The following CEP135 variants were observed in gnomAD, a reference collection of about 807,000 sequenced individuals.
CEP135 encodes the protein centrosomal protein 135.
A neutral mutation model predicts 157.3 loss-of-function variants in CEP135; 142 were observed. The observed-to-expected ratio is 0.90, with a 90% CI of 0.79 to 1.04. CEP135 has a LOEUF of 1.04. Ranked by LOEUF, CEP135 falls within the 50% of genes least tolerant of loss-of-function variation. The pLI, the probability that CEP135 is intolerant of heterozygous loss-of-function variation, is 0.00. For missense variants in CEP135, 1,317 were observed against 1,309.2 expected, an observed-to-expected ratio of 1.01 and a Z score of -0.09; for synonymous variants, 396 against 439.8, an observed-to-expected ratio of 0.90 and a Z score of 1.25.
intron 17 of CEP135, 69 bp downstream of exon 17, chr4:55,999,714 A>T (rs904759933): frequency 6.4e-5 from 94 of 1,478,162 alleles, no homozygotes; most frequent in Non-Finnish European, 8.0e-5. Flanking sequence ...TGTTTTTGAG[A>T]TGGGGTCTCA....
chr4:56,015,438 G>A (rs1346264044), intron 21 of CEP135, among the ~76,000 whole-genome samples: 1 of 152,248 alleles, frequency 6.6e-6, no homozygotes, highest in Non-Finnish European at 1.5e-5. Context: ...CCAGATGATG[G>A]AGCTACTGTC....
chr4:55,979,469 T>C (rs1452081907), intron 11 of CEP135, among the ~76,000 whole-genome samples: 1 of 152,174 alleles, frequency 6.6e-6, no homozygotes, highest in Non-Finnish European at 1.5e-5. Context: ...TTGCATTTAT[T>C]TGACTGTATA....
intron 15 of CEP135, among the ~76,000 whole-genome samples, chr4:55,996,506 T>C (rs897545017): frequency 6.6e-6 from 1 of 152,172 alleles, no homozygotes; most frequent in African/African-American, 2.4e-5. Context: ...TTTGTGGATC[T>C]AGAATTGAAA....
intron 1 of CEP135, among the ~76,000 whole-genome samples, chr4:55,950,358 C>G (rs1329162197): frequency 1.3e-5 from 2 of 152,132 alleles, no homozygotes; most frequent in Non-Finnish European, 2.9e-5. Flanking sequence ...CATGTATGCT[C>G]ATGCATGTAA....
At chr4:55,952,895 A>G (rs1728401197) in intron 2 of CEP135, among the ~76,000 whole-genome samples, 190 bp from the exon 3 acceptor site, 1 of 152,206 alleles carries the variant, frequency 6.6e-6, no homozygotes, top group Non-Finnish European at 1.5e-5. Flanking sequence ...CTCATGAGGC[A>G]ATAGGAATTT....
Position 55,999,303 on chromosome 4 carries a change from A to T in CEP135, c.2011A>T (p.Ile671Leu). The T allele has an allele frequency of 6.2e-7, 1 of 1,611,074 alleles. No homozygotes were observed. The highest frequency in any genetic ancestry group is 8.5e-7 in the Non-Finnish European group (1 of 1,177,926). The change falls in exon 16 of 26, where the codon ATA (isoleucine) becomes TTA (leucine). Residue 671 changes from isoleucine (I) to leucine (L), a missense_variant and splice_region_variant. Ile to Leu is a conservative substitution (Grantham distance 5). Coordinates refer to ENST00000257287, the MANE Select transcript of CEP135 (RefSeq NM_025009.5). ...TGTTTTTGTCCATTGATTCTTTAGGATAGTGAATGAGCAGCTACAGCGGTC... is the reference window on the plus strand; with the variant it reads ...TGTTTTTGTCCATTGATTCTTTAGGTTAGTGAATGAGCAGCTACAGCGGTC... ...HQKTEVNSLR[I>L]VNEQLQRSVD...
chr4:55,953,334 G>A, intron 3 of CEP135, 59 bp downstream of exon 3: 1 of 1,251,812 alleles, frequency 8.0e-7, no homozygotes, highest in South Asian at 1.7e-5. Flanking sequence ...TATTTTAGAA[G>A]GAAAAGCTAA....
intron 4 of CEP135, 50 bp downstream of exon 4, chr4:55,954,433 G>A (rs771816157): frequency 6.0e-6 from 9 of 1,491,694 alleles, no homozygotes; most frequent in East Asian, 2.3e-5. Context: ...ATCTTTTAAC[G>A]ATATTAACAC....
At chr4:55,988,333 G>C (rs541885683) in intron 14 of CEP135, among the ~76,000 whole-genome samples, 128 of 152,168 alleles carry the variant, frequency 8.4e-4, no homozygotes, top group Non-Finnish European at 1.7e-3. Context: ...TGCTAGACTT[G>C]TCCTCCCAGA....
chr4:55,979,763 TG>T (rs1729338075), intron 11 of CEP135, among the ~76,000 whole-genome samples: 1 of 152,204 alleles, frequency 6.6e-6, no homozygotes, highest in South Asian at 2.1e-4. Context: ...AGGTCTGGGT[TG>T]GGCTTCAAAC....
At chr4:55,955,464 G>T (rs544466173) in intron 4 of CEP135, among the ~76,000 whole-genome samples, 10 of 152,278 alleles carry the variant, frequency 6.6e-5, no homozygotes, top group South Asian at 2.1e-4. Context: ...GAAGCCAGGT[G>T]GGGGAAGACT....
intron 21 of CEP135, among the ~76,000 whole-genome samples, chr4:56,012,842 G>T (rs1730632418): frequency 1.3e-5 from 2 of 152,194 alleles, no homozygotes; most frequent in Admixed American, 1.3e-4. Flanking sequence ...GAATAATGCT[G>T]CTATGAACAT....
chr4:56,020,380 A>G (rs1577914275), intron 23 of CEP135, among the ~76,000 whole-genome samples: 1 of 152,344 alleles, frequency 6.6e-6, no homozygotes, highest in South Asian at 2.1e-4. Flanking sequence ...TTCTCTTTCC[A>G]AGGCAAGAGT....
At chr4:55,952,869 G>A (rs1034284365) in intron 2 of CEP135, among the ~76,000 whole-genome samples, 8 of 152,140 alleles carry the variant, frequency 5.3e-5, no homozygotes, top group Non-Finnish European at 1.0e-4. Flanking sequence ...GTGCTACAGT[G>A]TTACAATGGC....
intron 14 of CEP135, among the ~76,000 whole-genome samples, chr4:55,988,372 A>G (rs1383346556): frequency 6.6e-6 from 1 of 152,184 alleles, no homozygotes; most frequent in Non-Finnish European, 1.5e-5. Flanking sequence ...ATAGTAATAC[A>G]TAATAGGCTG....
chr4:55,953,308 A>G (rs1168279860), intron 3 of CEP135, 33 bp downstream of exon 3: 3 of 1,396,892 alleles, frequency 2.1e-6, no homozygotes, highest in Middle Eastern at 2.5e-4. Context: ...TTAAAATGCA[A>G]TGTCTTTGTC....
intron 8 of CEP135, among the ~76,000 whole-genome samples, chr4:55,967,256 G>A (rs1361389813): frequency 6.6e-6 from 1 of 151,976 alleles, no homozygotes; most frequent in Non-Finnish European, 1.5e-5. Context: ...GGGTTAAAGT[G>A]ACAAATACAC....
chr4:55,953,206 A>G lies in CEP135; in HGVS notation c.235A>G (p.Ser79Gly). The G allele has an allele frequency of 6.2e-7, 1 of 1,601,206 alleles. No individual in the cohort carries two copies. The highest frequency in any genetic ancestry group is 8.5e-7 in the Non-Finnish European group (1 of 1,176,136). The change falls in exon 3 of 26, where the codon AGT becomes GGT. Residue 79 changes from serine to glycine, a missense_variant. Ser to Gly is a moderately conservative substitution (Grantham distance 56, BLOSUM62 0). Coordinates refer to ENST00000257287, the MANE Select transcript of CEP135 (RefSeq NM_025009.5). ...EPYKLENARL[S>G]RENNELYLEL... is the part of the protein sequence containing the mutation. ...CTATAAACTTGAAAATGCAAGATTGAGTAGAGAAAATAATGAATTATACCT... is the reference window on the plus strand; with the variant it reads ...CTATAAACTTGAAAATGCAAGATTGGGTAGAGAAAATAATGAATTATACCT...
At chr4:56,031,233 G>A (rs2109760205) in intron 25 of CEP135, 127 bp from the exon 26 acceptor site, 1 of 152,644 alleles carries the variant, frequency 6.6e-6, no homozygotes, top group Non-Finnish European at 1.5e-5. Context: ...AACTGGATGT[G>A]GGGCACAGAG....
Sources: gnomAD v4.1 joint callset for allele counts (sites outside exome capture counted in the v4.1 genomes callset) on GRCh38, gnomAD v4.1.1 for gene constraint, MANE v1.5 for transcripts, NCBI Gene and HGNC (gene_info 2026-07-23, HGNC 2026-07-21) for gene names.